SOX6: variants seen among roughly 807,000 people sequenced by gnomAD.
SOX6 encodes the protein transcription factor SOX-6.
SOX6 carries 11 observed loss-of-function variants against 97.8 expected under a neutral mutation model. The ratio of observed to expected loss-of-function variants is 0.11; its 90% CI spans 0.07 to 0.19. The LOEUF (loss-of-function observed/expected upper bound fraction) is 0.19. Ranked by LOEUF, SOX6 falls within the 10% of genes least tolerant of loss-of-function variation. SOX6 has a pLI of 1.00. For missense variants in SOX6, 810 were observed against 1,039.5 expected (o/e 0.78, Z 3.04); for synonymous variants, 360 against 371.4 (o/e 0.97, Z 0.35).
At chr11:16,231,104 A>G (rs1852834616) in intron 4 of SOX6, among the ~76,000 whole-genome samples, 1 of 151,806 alleles carries the variant, frequency 6.6e-6, no homozygotes, top group Admixed American at 6.6e-5. Context: ...ATATAGCAGA[A>G]TATTGTTCAA....
chr11:16,640,265 G>C (rs11024005), intron 3 of SOX6, among the ~76,000 whole-genome samples: 98,182 of 152,036 alleles, frequency 0.65, 32,353 homozygotes, highest in East Asian at 0.95. Flanking sequence ...AAAGCCCACT[G>C]GATCATGGTG....
At chr11:16,217,182 A>T (rs1253396909) in intron 4 of SOX6, among the ~76,000 whole-genome samples, 2 of 152,144 alleles carry the variant, frequency 1.3e-5, no homozygotes, top group Non-Finnish European at 2.9e-5. Context: ...TCAGGGTCTC[A>T]GTAGGTTTTC....
At chr11:16,624,965 G>A (rs898278017) in intron 3 of SOX6, among the ~76,000 whole-genome samples, 4 of 152,018 alleles carry the variant, frequency 2.6e-5, no homozygotes, top group Non-Finnish European at 5.9e-5. Flanking sequence ...TTTTGGTGGG[G>A]GGAGGGTTGA....
intron 3 of SOX6, among the ~76,000 whole-genome samples, chr11:16,271,646 T>A (rs1372703537): frequency 1.3e-5 from 2 of 151,566 alleles, no homozygotes; most frequent in African/African-American, 4.8e-5. Flanking sequence ...TTTATTTGCA[T>A]ATAAATGTAA....
At chr11:16,126,959 A>G (rs1409714323) in intron 6 of SOX6, among the ~76,000 whole-genome samples, 1 of 152,076 alleles carries the variant, frequency 6.6e-6, no homozygotes, top group Non-Finnish European at 1.5e-5. Flanking sequence ...ATATCTCTAG[A>G]TTTAAGAACA....
intron 6 of SOX6, among the ~76,000 whole-genome samples, chr11:16,132,444 A>AGAAAGAAAAAAG (rs1554934020): frequency 1.1e-4 from 3 of 27,240 alleles, no homozygotes; most frequent in East Asian, 1.5e-3. Context: ...AAAGAAAGAA[A>AGAAAGAAAAAAG]AAAGAAAGAA....
chr11:16,157,219 G>A (rs1026984248), intron 6 of SOX6, among the ~76,000 whole-genome samples: 6 of 151,866 alleles, frequency 4.0e-5, no homozygotes, highest in Admixed American at 6.6e-5. Context: ...CTCCTTAGCC[G>A]AGATTCTGTC....
At chr11:16,214,982 T>A (rs1376870950) in intron 4 of SOX6, among the ~76,000 whole-genome samples, 1 of 152,122 alleles carries the variant, frequency 6.6e-6, no homozygotes. Context: ...ACTCCTGATC[T>A]CATGATCAGC....
chr11:16,358,978 A>G (rs1488436868), upstream of SOX6, among the ~76,000 whole-genome samples: 3 of 152,192 alleles, frequency 2.0e-5, no homozygotes, highest in Non-Finnish European at 2.9e-5. Flanking sequence ...ACAGACATAC[A>G]GAGGCATATA....
intron 4 of SOX6, among the ~76,000 whole-genome samples, chr11:16,608,230 AAACTG>A (rs1848358319): frequency 6.6e-6 from 1 of 152,098 alleles, no homozygotes; most frequent in African/African-American, 2.4e-5. Context: ...AAAAAGGAGC[AAACTG>A]GAGAAAGTGA....
At chr11:16,631,110 T>A (rs1320876914) in intron 3 of SOX6, among the ~76,000 whole-genome samples, 1 of 152,078 alleles carries the variant, frequency 6.6e-6, no homozygotes, top group East Asian at 1.9e-4. Flanking sequence ...ATATGTGAGG[T>A]TTGATCCTAT....
chr11:16,211,537 A>T (rs1224792858), intron 4 of SOX6, among the ~76,000 whole-genome samples: 1 of 152,170 alleles, frequency 6.6e-6, no homozygotes, highest in East Asian at 1.9e-4. Flanking sequence ...TCCAGGAGAC[A>T]GTTACAGGAT....
chr11:16,251,577 G>T (rs1253324025), intron 3 of SOX6, among the ~76,000 whole-genome samples: 2 of 151,988 alleles, frequency 1.3e-5, no homozygotes, highest in African/African-American at 4.8e-5. Context: ...GCTATATAAA[G>T]ATATTGGATC....
chr11:16,412,491 G>A lies in SOX6; in HGVS notation c.-5+63824C>T, dbSNP rs532804417. Reference sequence around the variant, plus strand: ...TTTTTTATTAAAAAAATAATTTGTCGGTTGGGCACTATGGCAGGCACCTGC... The same window carrying A: ...TTTTTTATTAAAAAAATAATTTGTCAGTTGGGCACTATGGCAGGCACCTGC... On this transcript the variant is annotated intron_variant, in intron 1 of 15. Transcript: ENST00000396356. 4.6e-5 allele frequency among the ~76,000 whole-genome samples: 7 copies of A among 152,068 alleles called. No individual in the cohort carries two copies. The East Asian group carries it at 5.8e-4, about 13-fold the overall frequency.
intron 4 of SOX6, among the ~76,000 whole-genome samples, chr11:16,520,308 T>G (rs1037074469): frequency 4.9e-4 from 75 of 152,222 alleles, no homozygotes; most frequent in African/African-American, 1.7e-3. Flanking sequence ...CTAAGTTTTC[T>G]TCCAGAATTT....
intron 13 of SOX6, among the ~76,000 whole-genome samples, chr11:16,004,611 G>A (rs1160601863): frequency 6.6e-6 from 1 of 151,820 alleles, no homozygotes; most frequent in African/African-American, 2.4e-5. Context: ...CCGAGAACTG[G>A]TGAAAGTATT....
At chr11:16,097,329 T>C (rs532731682) in intron 8 of SOX6, among the ~76,000 whole-genome samples, 1 of 151,862 alleles carries the variant, frequency 6.6e-6, no homozygotes, top group East Asian at 1.9e-4. Flanking sequence ...AAAGCTAACA[T>C]GTATGCAGTA....
At chr11:16,419,544 A>T (rs2133063704) in intron 1 of SOX6, among the ~76,000 whole-genome samples, 1 of 152,022 alleles carries the variant, frequency 6.6e-6, no homozygotes, top group Admixed American at 6.6e-5. Flanking sequence ...AATAAAAAAA[A>T]ATGCAAAATA....
At chr11:16,650,358 A>G (rs900856599) in intron 3 of SOX6, among the ~76,000 whole-genome samples, 2 of 152,132 alleles carry the variant, frequency 1.3e-5, no homozygotes, top group Non-Finnish European at 2.9e-5. Flanking sequence ...AACATTCTCC[A>G]AGATAGACCA....
Sources: allele counts gnomAD v4.1 joint callset (sites outside exome capture counted in the v4.1 genomes callset), GRCh38; gene constraint gnomAD v4.1.1; transcripts MANE v1.5; gene names NCBI Gene and HGNC (gene_info 2026-07-23, HGNC 2026-07-21).